FERMT2: variants seen among roughly 807,000 people sequenced by gnomAD.
The protein encoded by FERMT2 is FERM domain containing kindlin 2.
A neutral mutation model predicts 82.7 loss-of-function variants in FERMT2; 15 were observed. The observed-to-expected ratio is 0.18, with a 90% confidence interval of 0.12 to 0.28. The LOEUF (loss-of-function observed/expected upper bound fraction) is 0.28, where lower values mean the gene tolerates loss of function less well. FERMT2 is among the 10% of genes least tolerant of loss of function. The probability of loss-of-function intolerance (pLI) is 1.00; values close to 1 mark genes in which losing one functional copy is unlikely to be tolerated. For missense variants in FERMT2, 645 were observed against 809.4 expected, an observed-to-expected ratio of 0.80 and a Z score of 2.46; for synonymous variants, 274 against 271.5, an observed-to-expected ratio of 1.01 and a Z score of -0.09.
intron 12 of FERMT2, 97 bp from the exon 13 acceptor site, chr14:52,860,562 C>G: frequency 9.9e-7 from 1 of 1,005,422 alleles, no homozygotes; most frequent in Non-Finnish European, 1.4e-6. Flanking sequence ...CACCCCGTAC[C>G]CCAAAATCAT....
At position 52,932,100 on chromosome 14, in the gene FERMT2, G is replaced by A. The variant is rs775572348; in HGVS notation, c.158-12744C>T. Among the ~76,000 whole-genome samples, 6 of 152,210 alleles carry A rather than the reference G, an allele frequency of 3.9e-5. No homozygotes were observed. In the East Asian group the frequency reaches 5.8e-4, roughly 15 times the overall value. On this transcript the variant is annotated intron_variant, in intron 2 of 14. Transcript: ENST00000341590. ...CTCTTTGTTTTATAGATGAGAAAAC[G>A]GGGGGTGGAGCCAAAGGACAGAGAA...
chr14:52,921,026 T>C lies in FERMT2; in HGVS notation c.158-1670A>G, dbSNP rs144216962. 1.1e-4 allele frequency among the ~76,000 whole-genome samples: 16 copies of C among 152,280 alleles called. 1 individual carries two copies. In the East Asian group the frequency reaches 2.5e-3, roughly 24 times the overall value. On this transcript the variant is annotated intron_variant, in intron 2 of 14. Transcript: ENST00000341590. ...TTCTGAGATAAAGCTCATTTTAATA[T>C]AGTCGTACCTTTAAAAAGAGTTTAT...
At chr14:52,891,261 A>C (rs1482652465) in intron 4 of FERMT2, among the ~76,000 whole-genome samples, 1 of 152,144 alleles carries the variant, frequency 6.6e-6, no homozygotes, top group Non-Finnish European at 1.5e-5. Flanking sequence ...AAACCTAGCC[A>C]CTGGAACTTA....
At chr14:52,892,449 G>GT (rs1566733870) in intron 4 of FERMT2, among the ~76,000 whole-genome samples, 25 of 45,874 alleles carry the variant, frequency 5.4e-4, no homozygotes, top group Admixed American at 4.1e-3. Context: ...GCCTGGTGCT[G>GT]TTTTTTGTTT....
intron 4 of FERMT2, among the ~76,000 whole-genome samples, chr14:52,882,520 A>C (rs1886354395): frequency 6.6e-6 from 1 of 152,232 alleles, no homozygotes. Context: ...AATGACATTA[A>C]GGACAAGCAG....
chr14:52,873,280 T>A (rs1054283621), intron 9 of FERMT2, among the ~76,000 whole-genome samples: 2 of 152,242 alleles, frequency 1.3e-5, no homozygotes, highest in Non-Finnish European at 2.9e-5. Flanking sequence ...TCCTAGATCC[T>A]GTAATTACCT....
chr14:52,929,035 C>T (rs1464112893), intron 2 of FERMT2, among the ~76,000 whole-genome samples: 2 of 152,140 alleles, frequency 1.3e-5, no homozygotes, highest in African/African-American at 2.4e-5. Context: ...CAACCTTCTA[C>T]TCAGACGCCA....
At chr14:52,920,716 G>A (rs1179276372) in intron 2 of FERMT2, among the ~76,000 whole-genome samples, 1 of 152,218 alleles carries the variant, frequency 6.6e-6, no homozygotes, top group African/African-American at 2.4e-5. Flanking sequence ...ACTTTGGGAG[G>A]CTGAGGCGGG....
Position 52,858,102 on chromosome 14 carries a change from A to AAATC in FERMT2, c.*271_*274dup, listed in dbSNP as rs1293129604. On this transcript the variant is annotated 3_prime_UTR_variant, in exon 15 of 15. Transcript: ENST00000341590. ...TACAGTTTGGCTAGCTTAAATCAGT[A>AAATC]AATCAGTGATGGTTTGTTCCTGATT... 9 of 382,860 alleles carry AAATC rather than the reference A, an allele frequency of 2.4e-5. No homozygotes were observed. The Admixed American group carries it at 2.7e-4, about 11-fold the overall frequency. 23.7% of individuals were successfully genotyped at this position (382,860 alleles called of 1,614,324 possible). A position where few individuals can be genotyped will look rare whatever the true frequency, so the allele number is the denominator to read the frequency against.
chr14:52,878,316 GAGGATAATTTTTTTCCTACAAAAT>G (rs1237828752), intron 7 of FERMT2, among the ~76,000 whole-genome samples: 14 of 152,248 alleles, frequency 9.2e-5, no homozygotes, highest in South Asian at 4.1e-4. Flanking sequence ...TTGGGGGTGA[GAGGATAATTTTTTTCCTACAAAAT>G]AGGATAATTT....
intron 7 of FERMT2, among the ~76,000 whole-genome samples, chr14:52,878,145 A>G (rs1451380618): frequency 6.6e-6 from 1 of 152,188 alleles, no homozygotes; most frequent in African/African-American, 2.4e-5. Flanking sequence ...CTTATCACCT[A>G]AAAGCATCGC....
In FERMT2 at chr14:52,858,252, A is replaced by G; in HGVS notation, c.*125T>C. Reference sequence around the variant, plus strand: ...AGTGCACATATTAACTGGTCTGGTAAGGCAAAGAAGTTTTCATGATAAAAT... The same window carrying G: ...AGTGCACATATTAACTGGTCTGGTAGGGCAAAGAAGTTTTCATGATAAAAT... On this transcript the variant is annotated 3_prime_UTR_variant, in exon 15 of 15. Coordinates refer to ENST00000341590, the MANE Select transcript of FERMT2 (RefSeq NM_006832.3). 3.8e-6 allele frequency: 3 copies of G among 785,468 alleles called. No individual in the cohort carries two copies. The South Asian group carries it at 5.3e-5, about 14-fold the overall frequency. The allele number at this position is 785,468 out of a possible 1,614,324, so 48.7% of individuals were successfully genotyped here. A position where few individuals can be genotyped will look rare whatever the true frequency, so the allele number is the denominator to read the frequency against.
At chr14:52,931,486 T>C (rs1889565741) in intron 2 of FERMT2, among the ~76,000 whole-genome samples, 1 of 152,062 alleles carries the variant, frequency 6.6e-6, no homozygotes, top group Non-Finnish European at 1.5e-5. Flanking sequence ...CACAACATTC[T>C]AGAGAGCAGG....
In FERMT2 at chr14:52,950,941, G is replaced by C. The variant is rs2297300; in HGVS notation, c.-30C>G. On this transcript the variant is annotated 5_prime_UTR_variant, in exon 1 of 15. Coordinates refer to ENST00000341590, the MANE Select transcript of FERMT2 (RefSeq NM_006832.3). ...CTCACCGCGCGCTCCTAGCGCTCCG[G>C]GCCCGGGACTCGCGCGGCAACAGGC... The C allele has an allele frequency of 6.1e-6, 1 of 163,998 alleles. No homozygotes were observed. The highest frequency in any genetic ancestry group is 1.3e-5 in the Non-Finnish European group (1 of 76,544). The allele number at this position is 163,998 out of a possible 1,614,324, so 10.2% of individuals were successfully genotyped here.
chr14:52,864,782 C>T lies in FERMT2; in HGVS notation c.1345G>A (p.Glu449Lys). ...CGAAGCCAGATTTCATTCATGCCTTCTGCAACTGGAATCAGGAGTTTAATG... is the reference window on the plus strand; with the variant it reads ...CGAAGCCAGATTTCATTCATGCCTTTTGCAACTGGAATCAGGAGTTTAATG... Reference protein sequence around the residue: ...FNIKLLIPVAEGMNEIWLRCD... With the variant: ...FNIKLLIPVAKGMNEIWLRCD... The change falls in exon 11 of 15, where the codon GAA (glutamate) becomes AAA (lysine). Residue 449 changes from glutamate to lysine, a missense_variant. Coordinates refer to ENST00000341590, the MANE Select transcript of FERMT2 (RefSeq NM_006832.3). 6.2e-7 allele frequency: 1 copy of T among 1,612,822 alleles called. No individual in the cohort carries two copies. The highest frequency in any genetic ancestry group is 8.5e-7 in the Non-Finnish European group (1 of 1,178,862).
chr14:52,892,330 T>TGGG (rs1224932957), intron 4 of FERMT2, among the ~76,000 whole-genome samples: 1 of 151,918 alleles, frequency 6.6e-6, no homozygotes, highest in Non-Finnish European at 1.5e-5. Flanking sequence ...TTAGTCAAGA[T>TGGG]GGGGTTTCAC....
Position 52,859,595 on chromosome 14 carries a change from T to A in FERMT2, c.1847A>T (p.Asn616Ile). ...TWRFSNMKQW[N>I]VNWEIKMVTV... ...TACCATTTTGATTTCCCAGTTGACATTCCACTGTTTCATGTTGCTGAAACG... is the reference window on the plus strand; with the variant it reads ...TACCATTTTGATTTCCCAGTTGACAATCCACTGTTTCATGTTGCTGAAACG... The change falls in exon 14 of 15, where the codon AAT (asparagine) becomes ATT (isoleucine). Residue 616 changes from asparagine (N) to isoleucine (I), a missense_variant. Coordinates refer to ENST00000341590, the MANE Select transcript of FERMT2 (RefSeq NM_006832.3). The A allele has an allele frequency of 6.2e-7, 1 of 1,608,622 alleles. No individual in the cohort carries two copies. The highest frequency in any genetic ancestry group is 8.5e-7 in the Non-Finnish European group (1 of 1,177,172).
intron 3 of FERMT2, among the ~76,000 whole-genome samples, chr14:52,902,813 G>A (rs866225789): frequency 1.5e-5 from 2 of 135,166 alleles, no homozygotes; most frequent in Admixed American, 8.6e-5. Flanking sequence ...AGGCTGCAGT[G>A]AGCTGGGGTC....
chr14:52,864,456 A>G lies in FERMT2; in HGVS notation c.1547T>C (p.Ile516Thr), dbSNP rs1025608690. 25 of 1,614,032 alleles carry G rather than the reference A, an allele frequency of 1.5e-5. No individual in the cohort carries two copies. The highest frequency in any genetic ancestry group is 3.3e-5 in the South Asian group (3 of 91,094). ...QLIPEQITTD[I>T]TPECLVSPRY... ...GGGAGACACCAAACATTCAGGAGTTATATCAGTCGTGATCTGCTCTGGTAT... is the reference window on the plus strand; with the variant it reads ...GGGAGACACCAAACATTCAGGAGTTGTATCAGTCGTGATCTGCTCTGGTAT... The change falls in exon 12 of 15, where the codon ATA becomes ACA. Residue 516 changes from isoleucine (I) to threonine (T), a missense_variant. Transcript: ENST00000341590.
Sources: allele counts gnomAD v4.1 joint callset (sites outside exome capture counted in the v4.1 genomes callset), GRCh38; gene constraint gnomAD v4.1.1; transcripts MANE v1.5; gene names NCBI Gene and HGNC (gene_info 2026-07-23, HGNC 2026-07-21).